The following SCFD2 variants were observed in gnomAD, a reference collection of about 807,000 sequenced individuals.
SCFD2 encodes the protein sec1 family domain-containing protein 2.
Under a neutral mutation model 58.9 loss-of-function variants are expected in SCFD2, and 54 were observed. The ratio of observed to expected loss-of-function variants is 0.92; its 90% CI spans 0.74 to 1.15. SCFD2 has a LOEUF of 1.15. Among genes scored for constraint, SCFD2 ranks in the 50% most tolerant of loss-of-function variants. SCFD2 has a pLI of 0.00. For synonymous variants in SCFD2, 321 were observed against 335.9 expected, an observed-to-expected ratio of 0.96 and a Z score of 0.49; for missense variants, 805 against 836.6, an observed-to-expected ratio of 0.96 and a Z score of 0.47.
intron 6 of SCFD2, among the ~76,000 whole-genome samples, chr4:52,917,165 C>T (rs1164711123): frequency 1.3e-5 from 2 of 152,174 alleles, no homozygotes; most frequent in East Asian, 3.8e-4. Flanking sequence ...CCTCAGCCTC[C>T]CCAGTAGCTG....
chr4:53,109,237 ATG>A (rs1725096566), intron 5 of SCFD2, among the ~76,000 whole-genome samples: 1 of 152,242 alleles, frequency 6.6e-6, no homozygotes. Context: ...AGAGCTATCT[ATG>A]ACAAACCCAC....
At chr4:53,147,234 A>C (rs1355629687) in intron 4 of SCFD2, among the ~76,000 whole-genome samples, 1 of 152,228 alleles carries the variant, frequency 6.6e-6, no homozygotes, top group Admixed American at 6.5e-5. Flanking sequence ...GTTAAAAGGA[A>C]ATATTAGAAT....
chr4:53,046,289 C>T (rs552568946), intron 5 of SCFD2, among the ~76,000 whole-genome samples: 5 of 152,272 alleles, frequency 3.3e-5, no homozygotes, highest in Admixed American at 6.5e-5. Flanking sequence ...GGTGTGAACA[C>T]GGCTCACTGC....
At chr4:53,273,623 G>A in intron 4 of SCFD2, 1 of 468,750 alleles carries the variant, frequency 2.1e-6, no homozygotes, top group Non-Finnish European at 3.7e-6. Flanking sequence ...AGAAGCCAAA[G>A]ATGTTACTGT....
intron 5 of SCFD2, among the ~76,000 whole-genome samples, chr4:53,069,733 C>A (rs541998525): frequency 9.2e-5 from 14 of 152,114 alleles, no homozygotes; most frequent in African/African-American, 3.4e-4. Flanking sequence ...AAGCTCTAGA[C>A]AGTAAAAATC....
intron 5 of SCFD2, among the ~76,000 whole-genome samples, chr4:52,942,619 T>C (rs1170461687): frequency 6.6e-6 from 1 of 152,158 alleles, no homozygotes; most frequent in Non-Finnish European, 1.5e-5. Flanking sequence ...GGGGAATAAA[T>C]GAGTTACTAT....
chr4:53,330,156 G>C (rs3986366), intron 2 of SCFD2, among the ~76,000 whole-genome samples: 108,555 of 152,044 alleles, frequency 0.71, 38,929 homozygotes, highest in Middle Eastern at 0.8. Context: ...ATGGAACCAA[G>C]TTGGAAAACA....
chr4:53,260,095 C>T (rs1462895692), intron 4 of SCFD2, among the ~76,000 whole-genome samples: 1 of 151,922 alleles, frequency 6.6e-6, no homozygotes, highest in East Asian at 1.9e-4. Flanking sequence ...TGAAACTTTG[C>T]TGAATTCATT....
At chr4:52,986,005 C>G (rs1001483020) in intron 5 of SCFD2, among the ~76,000 whole-genome samples, 2 of 152,012 alleles carry the variant, frequency 1.3e-5, no homozygotes, top group African/African-American at 4.8e-5. Context: ...AATTAGCATA[C>G]AATTCCTTTA....
intron 4 of SCFD2, among the ~76,000 whole-genome samples, chr4:53,163,809 G>T (rs1419867260): frequency 6.6e-6 from 1 of 152,152 alleles, no homozygotes; most frequent in Non-Finnish European, 1.5e-5. Context: ...TTAAATTTCT[G>T]GCTTGATGGT....
At chr4:53,030,079 T>G (rs1383992758) in intron 5 of SCFD2, among the ~76,000 whole-genome samples, 2 of 152,054 alleles carry the variant, frequency 1.3e-5, no homozygotes, top group Non-Finnish European at 2.9e-5. Context: ...CAAAATAATA[T>G]CTGTTAAAGG....
At chr4:53,036,023 C>T (rs747507028) in intron 5 of SCFD2, among the ~76,000 whole-genome samples, 25 of 152,004 alleles carry the variant, frequency 1.6e-4, no homozygotes, top group Non-Finnish European at 3.2e-4. Flanking sequence ...GGCACATGCA[C>T]CCATATCGTT....
intron 5 of SCFD2, among the ~76,000 whole-genome samples, chr4:52,986,813 T>C (rs1015614859): frequency 1.8e-4 from 27 of 151,868 alleles, no homozygotes; most frequent in South Asian, 8.3e-4. Flanking sequence ...ATTCTTAAAG[T>C]ACCTAATTTA....
At chr4:53,181,739 T>C (rs1051236618) in intron 4 of SCFD2, among the ~76,000 whole-genome samples, 4 of 152,212 alleles carry the variant, frequency 2.6e-5, no homozygotes, top group Non-Finnish European at 4.4e-5. Flanking sequence ...GATGACATGA[T>C]TGAATATCTA....
intron 5 of SCFD2, 96 bp downstream of exon 5, chr4:53,145,237 A>C: frequency 7.0e-7 from 1 of 1,436,036 alleles, no homozygotes; most frequent in Non-Finnish European, 9.5e-7. Flanking sequence ...AACTCCAGTG[A>C]AGATGGTTAC....
At chr4:52,960,427 G>A (rs545482841) in intron 5 of SCFD2, among the ~76,000 whole-genome samples, 4 of 150,588 alleles carry the variant, frequency 2.7e-5, no homozygotes, top group African/African-American at 9.8e-5. Flanking sequence ...GGAGTGCAAT[G>A]GCGCGATCTT....
intron 5 of SCFD2, among the ~76,000 whole-genome samples, chr4:53,034,885 A>C (rs1722716124): frequency 6.6e-6 from 1 of 152,236 alleles, no homozygotes; most frequent in Non-Finnish European, 1.5e-5. Flanking sequence ...GTATTGTGAA[A>C]ATGGCCATAC....
intron 5 of SCFD2, among the ~76,000 whole-genome samples, chr4:52,954,604 C>T (rs1428231451): frequency 6.6e-6 from 1 of 152,076 alleles, no homozygotes; most frequent in African/African-American, 2.4e-5. Flanking sequence ...AGATCAAAAG[C>T]TCAGAAAAGC....
At chr4:53,053,841 G>C (rs937933043) in intron 5 of SCFD2, among the ~76,000 whole-genome samples, 2 of 151,592 alleles carry the variant, frequency 1.3e-5, no homozygotes, top group Non-Finnish European at 2.9e-5. Context: ...ATATTTTCAG[G>C]GTACATGTGA....
Sources: gnomAD v4.1 joint callset for allele counts (sites outside exome capture counted in the v4.1 genomes callset) on GRCh38, gnomAD v4.1.1 for gene constraint, MANE v1.5 for transcripts, NCBI Gene and HGNC (gene_info 2026-07-23, HGNC 2026-07-21) for gene names.